The following RUNX1T1 variants were observed in gnomAD, a reference collection of about 807,000 sequenced individuals.
The protein encoded by RUNX1T1 is protein CBFA2T1.
A neutral mutation model predicts 62.8 loss-of-function variants in RUNX1T1; 4 were observed. That is an observed-to-expected ratio of 0.06 (90% CI 0.03 to 0.15). The LOEUF (loss-of-function observed/expected upper bound fraction) is 0.15, where lower values mean the gene tolerates loss of function less well. RUNX1T1 is among the 10% of genes least tolerant of loss of function. RUNX1T1 has a pLI of 1.00. For synonymous variants in RUNX1T1, 291 were observed against 286.0 expected (o/e 1.02, Z -0.18); for missense variants, 508 against 754.3 (o/e 0.67, Z 3.82).
intron 1 of RUNX1T1, among the ~76,000 whole-genome samples, chr8:92,062,077 T>G (rs897413455): frequency 6.6e-6 from 1 of 152,218 alleles, no homozygotes; most frequent in Non-Finnish European, 1.5e-5. Context: ...TGAAATTCCT[T>G]GTAGTTCCAA....
intron 1 of RUNX1T1, among the ~76,000 whole-genome samples, chr8:92,053,691 T>C (rs1830576526): frequency 6.6e-6 from 1 of 152,204 alleles, no homozygotes; most frequent in Non-Finnish European, 1.5e-5. Flanking sequence ...CATTTCTTAA[T>C]TTTTCCCCTT....
chr8:91,963,861 A>G (rs570418569), intron 10 of RUNX1T1, among the ~76,000 whole-genome samples: 1 of 152,274 alleles, frequency 6.6e-6, no homozygotes, highest in East Asian at 1.9e-4. Context: ...GCCTCTAAGG[A>G]GTGATGTCAC....
chr8:92,008,364 CAT>C (rs1289447631), intron 4 of RUNX1T1, among the ~76,000 whole-genome samples: 9 of 124,916 alleles, frequency 7.2e-5, no homozygotes, highest in African/African-American at 2.8e-4. Flanking sequence ...TTGGGTGCCA[CAT>C]ATCTCTCTCT....
At chr8:92,022,175 G>A (rs906570140) in intron 1 of RUNX1T1, among the ~76,000 whole-genome samples, 2 of 151,798 alleles carry the variant, frequency 1.3e-5, no homozygotes, top group Non-Finnish European at 2.9e-5. Context: ...TAATATAATT[G>A]TGGATAGTTA....
At chr8:91,975,838 C>A in intron 9 of RUNX1T1, 67 bp downstream of exon 10, 1 of 1,030,008 alleles carries the variant, frequency 9.7e-7, no homozygotes, top group Admixed American at 1.8e-5. Context: ...TCATTCCTCA[C>A]ATCACTACAT....
At chr8:92,051,766 T>C (rs771115553) in intron 1 of RUNX1T1, among the ~76,000 whole-genome samples, 3 of 151,896 alleles carry the variant, frequency 2.0e-5, no homozygotes, top group Non-Finnish European at 4.4e-5. Flanking sequence ...GGATGTTTCC[T>C]CCCCCTGAAT....
At chr8:91,969,974 T>C (rs112940189) in intron 10 of RUNX1T1, among the ~76,000 whole-genome samples, 14 of 151,952 alleles carry the variant, frequency 9.2e-5, no homozygotes, top group African/African-American at 3.1e-4. Context: ...TTGTTAGATA[T>C]TGTGTTTTAG....
chr8:92,064,345 T>C (rs1056968242), upstream of RUNX1T1, among the ~76,000 whole-genome samples: 2 of 152,190 alleles, frequency 1.3e-5, no homozygotes, highest in Non-Finnish European at 2.9e-5. Flanking sequence ...CTCTGTTCTG[T>C]CACTAATAGT....
chr8:92,047,274 C>T (rs1328235558), intron 1 of RUNX1T1, among the ~76,000 whole-genome samples: 1 of 152,098 alleles, frequency 6.6e-6, no homozygotes, highest in Admixed American at 6.5e-5. Flanking sequence ...TCCCATATAT[C>T]TCTACATGGC....
At chr8:92,008,933 T>C (rs962163125) in intron 4 of RUNX1T1, among the ~76,000 whole-genome samples, 1 of 152,230 alleles carries the variant, frequency 6.6e-6, no homozygotes, top group African/African-American at 2.4e-5. Flanking sequence ...ATGCTGTATC[T>C]ATGACTGCTT....
chr8:92,095,280 C>A lies in RUNX1T1; in HGVS notation c.-86+4300G>T, dbSNP rs918489375. On this transcript the variant is annotated intron_variant, in intron 1 of 11. Transcript: ENST00000265814. Reference sequence around the variant, plus strand: ...GAGAGAGAAAAGCCGCCTCCCCACGCCCCCCTTCCTCCTGGCCACCCCTCC... The same window carrying A: ...GAGAGAGAAAAGCCGCCTCCCCACGACCCCCTTCCTCCTGGCCACCCCTCC... The A allele has an allele frequency of 5.9e-6, 9 of 1,517,244 alleles. No homozygotes were observed. In the South Asian group the frequency reaches 7.4e-5, roughly 13 times the overall value. The allele number at this position is 1,517,244 out of a possible 1,614,324, so 94.0% of individuals were successfully genotyped here. A position where few individuals can be genotyped will look rare whatever the true frequency, so the allele number is the denominator to read the frequency against.
chr8:91,960,019 GAT>G, exon 11 of RUNX1T1: 1 of 575,026 alleles, frequency 1.7e-6, no homozygotes, highest in Non-Finnish European at 3.1e-6. Flanking sequence ...CTAAAGAAAA[GAT>G]ATCTTTGTTA....
At chr8:92,044,968 A>C (rs7002565) in intron 1 of RUNX1T1, among the ~76,000 whole-genome samples, 33,790 of 151,828 alleles carry the variant, frequency 0.22, 3,904 homozygotes, top group Middle Eastern at 0.27. Flanking sequence ...CAGGGGCCTA[A>C]GCCTGTAATC....
At chr8:91,993,963 G>A (rs1283631221) in intron 5 of RUNX1T1, among the ~76,000 whole-genome samples, 1 of 152,108 alleles carries the variant, frequency 6.6e-6, no homozygotes, top group Non-Finnish European at 1.5e-5. Context: ...CTGCACTACA[G>A]CCTGGGCAAC....
downstream of RUNX1T1, chr8:91,956,746 G>T: frequency 4.5e-6 from 1 of 221,398 alleles, no homozygotes; most frequent in Non-Finnish European, 9.0e-6. Context: ...ATTAAGTATT[G>T]CACAACAACT....
At chr8:92,095,153 T>C in intron 1 of RUNX1T1, 8 of 1,535,484 alleles carry the variant, frequency 5.2e-6, no homozygotes, top group East Asian at 2.4e-5. Context: ...AATCTTTAAA[T>C]GTAAATTCTC....
intron 8 of RUNX1T1, among the ~76,000 whole-genome samples, chr8:91,984,598 A>G (rs1816145553): frequency 6.6e-6 from 1 of 152,188 alleles, no homozygotes; most frequent in South Asian, 2.1e-4. Context: ...AATGTGTTCA[A>G]TAGAATAAGC....
At position 91,970,805 on chromosome 8, in the gene RUNX1T1, C is replaced by T. The variant is rs538842868; in HGVS notation, c.1311G>A (p.Leu437=). The T allele has an allele frequency of 8.1e-6, 13 of 1,612,882 alleles. No individual in the cohort carries two copies. In the African/African-American group the frequency reaches 1.7e-4, roughly 21 times the overall value. Residue 437 remains leucine (L), a synonymous_variant, in exon 10 of 11, where the codon CTG becomes CTA. Coordinates refer to ENST00000396218, the Ensembl canonical transcript of RUNX1T1. ...GCTCCGCCTCAGACACGGCCTTCTGCAGCTCCGTCATCGCCTGGCGCTTCA... is the reference window on the plus strand; with the variant it reads ...GCTCCGCCTCAGACACGGCCTTCTGTAGCTCCGTCATCGCCTGGCGCTTCA...
chr8:92,068,928 T>C (rs1833270412), intron 2 of RUNX1T1, among the ~76,000 whole-genome samples: 1 of 152,176 alleles, frequency 6.6e-6, no homozygotes, highest in African/African-American at 2.4e-5. Flanking sequence ...TTATATTCAT[T>C]ATTTTGGAGC....
Sources: gnomAD v4.1 joint callset for allele counts (sites outside exome capture counted in the v4.1 genomes callset) on GRCh38, gnomAD v4.1.1 for gene constraint, MANE v1.5 for transcripts, NCBI Gene and HGNC (gene_info 2026-07-23, HGNC 2026-07-21) for gene names.